Variants in OSBPL5 observed in about 807,000 individuals in gnomAD.
OSBPL5 encodes oxysterol-binding protein-related protein 5.
Under a neutral mutation model 111.2 loss-of-function variants are expected in OSBPL5, and 71 were observed. That is an observed-to-expected ratio of 0.64 (90% CI 0.53 to 0.78). OSBPL5 has a LOEUF of 0.78. Ranked by LOEUF, OSBPL5 falls within the 30% of genes least tolerant of loss-of-function variation. The pLI is 0.00. For synonymous variants in OSBPL5, 549 were observed against 513.9 expected (o/e 1.07, Z -0.93); for missense variants, 1,210 against 1,189.3 (o/e 1.02, Z -0.26).
intron 14 of OSBPL5, among the ~76,000 whole-genome samples, chr11:3,099,585 A>G (rs79688673): frequency 0.15 from 22,161 of 152,224 alleles, 1,857 homozygotes; most frequent in Admixed American, 0.21. Flanking sequence ...ACTTTGAAAC[A>G]CTGTAGCAAG....
Position 3,107,809 on chromosome 11 carries a change from T to TG in OSBPL5, c.827dup (p.Ala277SerfsTer34). 1 of 1,612,570 alleles carries TG rather than the reference T, an allele frequency of 6.2e-7. No individual in the cohort carries two copies. Among genetic ancestry groups the TG allele is most frequent in the Non-Finnish European group, 8.5e-7 (1 of 1,179,944 alleles). ...GGTCTGGGTGGACGGTGGCTGAGGC[T>TG]GGCAGCCCACAGAGCGATGAGGGTG... On this transcript the variant is annotated frameshift_variant, in exon 8 of 22. Coordinates refer to ENST00000263650, the MANE Select transcript of OSBPL5 (RefSeq NM_020896.4). LOFTEE classifies it high-confidence loss of function. The surrounding 1 kb of genome is among the most constrained non-coding windows in gnomAD (Gnocchi z 6.1).
chr11:3,143,010 G>A (rs1426510492), intron 1 of OSBPL5, among the ~76,000 whole-genome samples: 4 of 77,136 alleles, frequency 5.2e-5, no homozygotes, highest in African/African-American at 1.8e-4. Context: ...AGGTGCAGAG[G>A]GGGGCAGAGG....
In OSBPL5 at chr11:3,107,550, T is replaced by A; in HGVS notation, c.867-95A>T. 1 of 1,440,762 alleles carries A rather than the reference T, an allele frequency of 6.9e-7. No individual in the cohort carries two copies. The highest frequency in any genetic ancestry group is 9.6e-7 in the Non-Finnish European group (1 of 1,043,012). The allele number at this position is 1,440,762 out of a possible 1,614,324, so 89.2% of individuals were successfully genotyped here. ...ACCCCTCGCTGCTCCGCACTTCACA[T>A]ACGTTCCTGCCTGTCGTCACCTCCA... is the stretch of plus-strand genomic sequence containing the variant. On this transcript the variant is annotated intron_variant, in intron 8 of 21. Transcript: ENST00000263650. This position sits in a 1 kb window ranked among gnomAD's most constrained non-coding sequence, Gnocchi z 6.1.
intron 1 of OSBPL5, among the ~76,000 whole-genome samples, chr11:3,148,917 G>A (rs1174481996): frequency 6.6e-6 from 1 of 152,226 alleles, no homozygotes; most frequent in African/African-American, 2.4e-5. Flanking sequence ...AGGATGAGCT[G>A]GAGAATTCGC....
chr11:3,103,647 GC>G (rs1857532332), intron 10 of OSBPL5, among the ~76,000 whole-genome samples: 2 of 151,156 alleles, frequency 1.3e-5, no homozygotes, highest in South Asian at 2.1e-4. Context: ...TGAGCCTGCA[GC>G]CCCCTTCCTG....
intron 1 of OSBPL5, among the ~76,000 whole-genome samples, chr11:3,131,952 T>C (rs75062317): frequency 0.014 from 95 of 6,734 alleles, no homozygotes; most frequent in Non-Finnish European, 0.018. Flanking sequence ...CATCCATCCA[T>C]CCATCCATCC....
intron 1 of OSBPL5, among the ~76,000 whole-genome samples, chr11:3,155,297 T>C (rs1846719123): frequency 6.7e-6 from 1 of 149,772 alleles, no homozygotes; most frequent in South Asian, 2.1e-4. Context: ...CTGGAGGTGC[T>C]ACAGGGACCC....
rs557627512 is a variant in OSBPL5 at position 3,135,651 on chromosome 11, C to T, written c.-21-6482G>A. Among the ~76,000 whole-genome samples, 372 of 152,332 alleles carry T rather than the reference C, an allele frequency of 2.4e-3. 1 individual carries two copies. Among genetic ancestry groups the T allele is most frequent in the Non-Finnish European group, 3.3e-3 (223 of 68,018 alleles). On this transcript the variant is annotated intron_variant, in intron 1 of 21. Transcript: ENST00000263650. ...GGGGCTCTCGGGGACTGCAGGTGGC[C>T]GTGATGGTGTCGTGCAGCTGCTGCA... is the stretch of plus-strand genomic sequence containing the variant.
At chr11:3,100,674 T>A (rs1857421507) in intron 13 of OSBPL5, among the ~76,000 whole-genome samples, 1 of 152,126 alleles carries the variant, frequency 6.6e-6, no homozygotes, top group Non-Finnish European at 1.5e-5. Flanking sequence ...GGGCTGAACC[T>A]GAGGGTCGCA....
In OSBPL5 at chr11:3,107,318, G is replaced by A. The variant is rs558352799; in HGVS notation, c.1004C>T (p.Ala335Val). 68 of 1,613,818 alleles carry A rather than the reference G, an allele frequency of 4.2e-5. 1 individual carries two copies. In the South Asian group the frequency reaches 6.3e-4, roughly 15 times the overall value. The part of the protein sequence containing the change: ...SGSDQSETPG[A>V]PVRRGTTYVE... ...ATAGGTGGTCCCTCTCCGCACCGGGGCCCCAGGGGTCTCTGACTGGTCGCT... is the reference window on the plus strand; with the variant it reads ...ATAGGTGGTCCCTCTCCGCACCGGGACCCCAGGGGTCTCTGACTGGTCGCT... Residue 335 changes from alanine to valine, a missense_variant, in exon 9 of 22, where the codon GCC becomes GTC. Ala to Val is a moderately conservative substitution (Grantham distance 64, BLOSUM62 0). Transcript: ENST00000263650. This position sits in a 1 kb window ranked among gnomAD's most constrained non-coding sequence, Gnocchi z 6.1.
chr11:3,123,310 G>A (rs1014645536), intron 3 of OSBPL5, among the ~76,000 whole-genome samples: 5 of 152,316 alleles, frequency 3.3e-5, no homozygotes, highest in African/African-American at 1.2e-4. Flanking sequence ...GCCTCCTTCC[G>A]CGTGGTCTGC....
intron 14 of OSBPL5, among the ~76,000 whole-genome samples, chr11:3,097,075 A>AGG (rs1857293249): frequency 1.0e-3 from 3 of 3,004 alleles, no homozygotes; most frequent in African/African-American, 4.1e-3. Context: ...GGGAAGATGG[A>AGG]AGGAGGAGAA....
chr11:3,114,213 A>T (rs1435536269), intron 7 of OSBPL5, among the ~76,000 whole-genome samples: 1 of 152,224 alleles, frequency 6.6e-6, no homozygotes, highest in Non-Finnish European at 1.5e-5. Context: ...TTTAAAGATC[A>T]TGTATAAAAC....
At position 3,142,943 on chromosome 11, in the gene OSBPL5, G is replaced by C. The variant is rs1319438228; in HGVS notation, c.-21-13774C>G. Among the ~76,000 whole-genome samples the C allele has an allele frequency of 1.3e-5, 2 of 149,376 alleles. No individual in the cohort carries two copies. The highest frequency in any genetic ancestry group is 3.0e-5 in the Non-Finnish European group (2 of 67,384). ...GGGGGTGTGTGAGCAGAGACCCTTGGGACCCAGCATCTGGGTCTGGACGGT... is the reference window on the plus strand; with the variant it reads ...GGGGGTGTGTGAGCAGAGACCCTTGCGACCCAGCATCTGGGTCTGGACGGT... On this transcript the variant is annotated intron_variant, in intron 1 of 21. Transcript: ENST00000263650. The surrounding 1 kb of genome is among the most constrained non-coding windows in gnomAD (Gnocchi z 7.1).
At chr11:3,135,456 C>A (rs1237313954) in intron 1 of OSBPL5, among the ~76,000 whole-genome samples, 1 of 152,242 alleles carries the variant, frequency 6.6e-6, no homozygotes, top group Non-Finnish European at 1.5e-5. Flanking sequence ...CAGGCAGAGG[C>A]CACTCCTGAG....
rs114184833 is a variant in OSBPL5 at position 3,146,433 on chromosome 11, T to G, written c.-21-17264A>C. On this transcript the variant is annotated intron_variant, in intron 1 of 21. Coordinates refer to ENST00000263650, the MANE Select transcript of OSBPL5 (RefSeq NM_020896.4). This position sits in a 1 kb window ranked among gnomAD's most constrained non-coding sequence, Gnocchi z 7.8. ...CAGGATTTGGGGGTACCTCTGAGAG[T>G]GGGGGACGGAGAGAATGCAGGTGGA... The G allele has an allele frequency of 0.033, 5,024 of 151,432 alleles. 136 individuals are homozygous for G. Among genetic ancestry groups the G allele is most frequent in the African/African-American group, 0.076 (3,128 of 41,128 alleles). The allele number at this position is 151,432 out of a possible 1,614,324, so 9.4% of individuals were successfully genotyped here.
At chr11:3,097,575 A>C (rs1394267683) in intron 14 of OSBPL5, among the ~76,000 whole-genome samples, 1 of 152,234 alleles carries the variant, frequency 6.6e-6, no homozygotes, top group Non-Finnish European at 1.5e-5. Flanking sequence ...CCAAGGTTTT[A>C]CTAAATACAG....
chr11:3,103,880 G>GCAGCCCCA (rs1564830843), intron 10 of OSBPL5, among the ~76,000 whole-genome samples: 3 of 22,038 alleles, frequency 1.4e-4, no homozygotes, highest in Non-Finnish European at 3.4e-4. Context: ...TCCTGCCTCT[G>GCAGCCCCA]TAGCCCCATT....
At chr11:3,156,520 A>G in intron 1 of OSBPL5, among the ~76,000 whole-genome samples, 1 of 152,012 alleles carries the variant, frequency 6.6e-6, no homozygotes, top group East Asian at 1.9e-4. Flanking sequence ...GTGAGCCTGG[A>G]AACCCAGGAT....
Sources: gnomAD v4.1 joint callset for allele counts (sites outside exome capture counted in the v4.1 genomes callset) on GRCh38, gnomAD v4.1.1 for gene constraint, Gnocchi (gnomAD v3.1) non-coding constraint, MANE v1.5 for transcripts, NCBI Gene and HGNC (gene_info 2026-07-23, HGNC 2026-07-21) for gene names.